The following ASPRV1 variants were observed in gnomAD, a reference collection of about 807,000 sequenced individuals.
ASPRV1 encodes the protein aspartic peptidase retroviral like 1, also known as retroviral-like aspartic protease 1.
Under a neutral mutation model 11.0 loss-of-function variants are expected in ASPRV1, and 7 were observed. The observed-to-expected ratio is 0.64, with a 90% CI of 0.36 to 1.20. ASPRV1 has a LOEUF of 1.20. ASPRV1 is among the 50% of genes most tolerant of loss of function. The pLI, the probability that ASPRV1 is intolerant of heterozygous loss-of-function variation, is 0.02. For missense variants in ASPRV1, 299 were observed against 320.0 expected (o/e 0.93, Z 0.50); for synonymous variants, 136 against 138.4 (o/e 0.98, Z 0.12).
At chr2:69,980,559 C>T in the ASPRV1 span, among the ~76,000 whole-genome samples, 1 of 152,056 alleles carries the variant, frequency 6.6e-6, no homozygotes, top group East Asian at 1.9e-4. Flanking sequence ...TGGAATGTAT[C>T]CCAGAACAGT....
chr2:70,004,967 T>C, the ASPRV1 span, among the ~76,000 whole-genome samples: 4 of 152,234 alleles, frequency 2.6e-5, no homozygotes, highest in East Asian at 3.8e-4. Flanking sequence ...GCTCAGCAAA[T>C]AGCTGTTAAA....
the ASPRV1 span, chr2:69,943,003 A>G: frequency 6.6e-6 from 1 of 152,230 alleles, no homozygotes; most frequent in African/African-American, 2.4e-5. Context: ...GTCCTTGCAG[A>G]ACTGCGTTCA....
the ASPRV1 span, among the ~76,000 whole-genome samples, chr2:70,057,918 C>G: frequency 6.6e-6 from 1 of 151,954 alleles, no homozygotes; most frequent in Non-Finnish European, 1.5e-5. Context: ...CTCAGCCTCC[C>G]GAGTAGCTGG....
the ASPRV1 span, among the ~76,000 whole-genome samples, chr2:70,041,620 A>G: frequency 6.6e-6 from 1 of 152,258 alleles, no homozygotes; most frequent in Non-Finnish European, 1.5e-5. Context: ...ATCCTGAACT[A>G]GCAGTTAAAC....
the ASPRV1 span, among the ~76,000 whole-genome samples, chr2:70,001,970 A>AACAG: frequency 6.6e-6 from 1 of 152,220 alleles, no homozygotes; most frequent in Non-Finnish European, 1.5e-5. Context: ...CGAGTCATAG[A>AACAG]ACAGACGTAC....
chr2:69,997,489 A>G, the ASPRV1 span, among the ~76,000 whole-genome samples: 2 of 152,048 alleles, frequency 1.3e-5, no homozygotes, highest in African/African-American at 2.4e-5. Context: ...AGCACCTGTG[A>G]GTCACCCCGG....
At chr2:70,015,631 A>G in the ASPRV1 span, 1 of 152,214 alleles carries the variant, frequency 6.6e-6, no homozygotes, top group African/African-American at 2.4e-5. Flanking sequence ...GCAAATATCA[A>G]TACATCTAGA....
At chr2:70,023,906 G>A in the ASPRV1 span, among the ~76,000 whole-genome samples, 4 of 151,772 alleles carry the variant, frequency 2.6e-5, no homozygotes, top group African/African-American at 7.3e-5. Context: ...CAATAGAGAT[G>A]ACAAAAAAGG....
At chr2:70,054,808 C>G in the ASPRV1 span, among the ~76,000 whole-genome samples, 2 of 152,010 alleles carry the variant, frequency 1.3e-5, no homozygotes, top group East Asian at 3.8e-4. Context: ...AGAAAAATCT[C>G]TAATACAAAC....
At chr2:70,074,765 A>G in the ASPRV1 span, among the ~76,000 whole-genome samples, 1 of 151,696 alleles carries the variant, frequency 6.6e-6, no homozygotes, top group Non-Finnish European at 1.5e-5. Flanking sequence ...CACAGTCCAT[A>G]CTACCTACTT....
chr2:70,046,408 C>G, the ASPRV1 span: 2 of 152,078 alleles, frequency 1.3e-5, no homozygotes, highest in Non-Finnish European at 2.9e-5. Flanking sequence ...TCTTAGTGAT[C>G]CAGGAAGGAG....
chr2:70,086,660 A>T, the ASPRV1 span, among the ~76,000 whole-genome samples: 1 of 152,220 alleles, frequency 6.6e-6, no homozygotes, highest in Non-Finnish European at 1.5e-5. Context: ...ACAGGCGTAC[A>T]CTATTGTTTC....
chr2:69,936,903 G>A, the ASPRV1 span: 14 of 484,928 alleles, frequency 2.9e-5, no homozygotes, highest in African/African-American at 2.2e-4. Flanking sequence ...TCAGGGGATT[G>A]CTGCAAACAA....
chr2:70,052,703 AAGGATGGAAGGAAAC>A, the ASPRV1 span, among the ~76,000 whole-genome samples: 31 of 152,194 alleles, frequency 2.0e-4, no homozygotes, highest in African/African-American at 7.5e-4. Flanking sequence ...GGGACATAAG[AAGGATGGAAGGAAAC>A]CTCCACAGAA....
the ASPRV1 span, among the ~76,000 whole-genome samples, chr2:69,976,934 G>A: frequency 6.6e-6 from 1 of 152,192 alleles, no homozygotes; most frequent in African/African-American, 2.4e-5. Flanking sequence ...ACTCATGCCT[G>A]TAATTCCAGC....
chr2:70,004,247 G>A, the ASPRV1 span, among the ~76,000 whole-genome samples: 1 of 152,096 alleles, frequency 6.6e-6, no homozygotes, highest in Admixed American at 6.6e-5. Context: ...AAGAGGTGGG[G>A]TAAGCCAGGC....
chr2:69,936,914 G>A, the ASPRV1 span: 2 of 502,376 alleles, frequency 4.0e-6, no homozygotes, highest in Non-Finnish European at 8.0e-6. Flanking sequence ...CTGCAAACAA[G>A]GGAGATCAGG....
chr2:69,953,706 C>CT, the ASPRV1 span, among the ~76,000 whole-genome samples: 1 of 151,106 alleles, frequency 6.6e-6, no homozygotes, highest in Non-Finnish European at 1.5e-5. Context: ...CTTTTTTTTT[C>CT]TTTTTTTTCT....
At chr2:70,047,755 T>G in the ASPRV1 span, among the ~76,000 whole-genome samples, 1 of 152,112 alleles carries the variant, frequency 6.6e-6, no homozygotes, top group African/African-American at 2.4e-5. Context: ...CGAGAGGAGT[T>G]TCTGATTTAC....
Sources: gnomAD v4.1 joint callset for allele counts (sites outside exome capture counted in the v4.1 genomes callset) on GRCh38, gnomAD v4.1.1 for gene constraint, MANE v1.5 for transcripts, NCBI Gene and HGNC (gene_info 2026-07-23, HGNC 2026-07-21) for gene names.